PDE4C: variants seen among roughly 807,000 people sequenced by gnomAD.
PDE4C encodes phosphodiesterase 4C.
In PDE4C, 50 loss-of-function variants were observed where a neutral mutation model predicts 63.9. The observed-to-expected ratio is 0.78, with a 90% CI of 0.62 to 0.99. The LOEUF (loss-of-function observed/expected upper bound fraction) is 0.99. Among genes scored for constraint, PDE4C ranks in the 50% least tolerant of loss-of-function variants. The probability of loss-of-function intolerance (pLI) is 0.00; values close to 1 mark genes in which losing one functional copy is unlikely to be tolerated. For missense variants in PDE4C, 777 were observed against 899.1 expected (o/e 0.86, Z 1.74); for synonymous variants, 377 against 385.1 (o/e 0.98, Z 0.25).
chr19:18,210,974 G>T (rs147017099), exon 15 of PDE4C: 2 of 1,613,884 alleles, frequency 1.2e-6, no homozygotes, highest in South Asian at 2.2e-5. Context: ...GGTCTGGGCC[G>T]GCTTCAGGGG....
upstream of PDE4C, among the ~76,000 whole-genome samples, chr19:18,230,298 G>GAA (rs1968823286): frequency 1.3e-5 from 2 of 152,218 alleles, no homozygotes; most frequent in African/African-American, 2.4e-5. Flanking sequence ...TTGAGGTCAA[G>GAA]AGTTTGAGAC....
At chr19:18,219,027 G>A (rs1968341985) in exon 9 of PDE4C, 1 of 1,612,950 alleles carries the variant, frequency 6.2e-7, no homozygotes, top group Non-Finnish European at 8.5e-7. Context: ...ACTTGTTGGT[G>A]TCTTCTAGCT....
exon 13 of PDE4C, chr19:18,213,404 A>G: frequency 6.2e-7 from 1 of 1,613,932 alleles, no homozygotes; most frequent in Non-Finnish European, 8.5e-7. Context: ...GGAGGAGGAC[A>G]CCGAGGCTTG....
chr19:18,240,676 C>G (rs1022819804), intron 1 of PDE4C, among the ~76,000 whole-genome samples: 1 of 152,052 alleles, frequency 6.6e-6, no homozygotes, highest in East Asian at 1.9e-4. Flanking sequence ...TGCAGTGAGC[C>G]GAGATCATGC....
At chr19:18,226,952 A>G (rs930843983), upstream of PDE4C, among the ~76,000 whole-genome samples, 1 of 152,038 alleles carries the variant, frequency 6.6e-6, no homozygotes, top group African/African-American at 2.4e-5. Flanking sequence ...CAGAGCCTGG[A>G]TCTTACTCAG....
intron 1 of PDE4C, among the ~76,000 whole-genome samples, chr19:18,241,129 G>A (rs1450637458): frequency 2.0e-5 from 3 of 152,172 alleles, no homozygotes; most frequent in Non-Finnish European, 4.4e-5. Flanking sequence ...TGGTAGCTGG[G>A]AGGGTGTGTC....
At chr19:18,222,163 T>C (rs771527028) in exon 2 of PDE4C, 12 of 1,613,652 alleles carry the variant, frequency 7.4e-6, no homozygotes, top group South Asian at 5.5e-5. Flanking sequence ...TTCCGAGACA[T>C]GGCCTTGGGC....
At chr19:18,234,440 C>A (rs999488304), upstream of PDE4C, among the ~76,000 whole-genome samples, 3 of 152,188 alleles carry the variant, frequency 2.0e-5, no homozygotes, top group African/African-American at 7.2e-5. Flanking sequence ...GCGTCTTAGT[C>A]TCAGGGGTAA....
upstream of PDE4C, among the ~76,000 whole-genome samples, chr19:18,231,396 A>G (rs1432844386): frequency 6.6e-6 from 1 of 152,214 alleles, no homozygotes; most frequent in African/African-American, 2.4e-5. Context: ...TTTCTTGAAA[A>G]TGGAAAATCA....
Position 18,218,920 on chromosome 19 carries a change from GCCAAGGGCAGGGTAGGTA to G in PDE4C, c.969+2_969+19del, listed in dbSNP as rs1267071788. 1 of 1,574,308 alleles carries G rather than the reference GCCAAGGGCAGGGTAGGTA, an allele frequency of 6.4e-7. No homozygotes were observed. The highest frequency in any genetic ancestry group is 8.7e-7 in the Non-Finnish European group (1 of 1,143,476). On this transcript the variant is annotated splice_donor_variant and splice_donor_5th_base_variant and intron_variant, in intron 9 of 14. Coordinates refer to ENST00000262805, the Ensembl canonical transcript of PDE4C. LOFTEE classifies it high-confidence loss of function. ...AAACCCCAGGAGTTTTTCCTTGGAA[GCCAAGGGCAGGGTAGGTA>G]CCTGAAAAATGCTGAATATGATAGC...
At chr19:18,233,352 G>C in exon 1 of PDE4C, 1 of 977,764 alleles carries the variant, frequency 1.0e-6, no homozygotes, top group East Asian at 2.6e-5. Context: ...GGTGGAACTG[G>C]GGCTCAAGGT....
chr19:18,226,403 G>A, exon 1 of PDE4C: 3 of 1,445,034 alleles, frequency 2.1e-6, no homozygotes, highest in Non-Finnish European at 2.7e-6. Context: ...GCGGGCGCGG[G>A]GGGGCCCTGC....
At chr19:18,240,403 G>T (rs1229253221) in intron 1 of PDE4C, among the ~76,000 whole-genome samples, 1 of 131,126 alleles carries the variant, frequency 7.6e-6, no homozygotes, top group East Asian at 2.1e-4. Context: ...TCTTCAGCCC[G>T]GCTTACAGAG....
At chr19:18,241,709 C>T (rs557578146) in intron 1 of PDE4C, among the ~76,000 whole-genome samples, 1 of 151,976 alleles carries the variant, frequency 6.6e-6, no homozygotes, top group African/African-American at 2.4e-5. Context: ...ACCACAACTC[C>T]CAGCTAATTT....
At chr19:18,216,593 G>A (rs1968204465) in intron 12 of PDE4C, 148 bp downstream of exon 12, 4 of 757,834 alleles carry the variant, frequency 5.3e-6, no homozygotes, top group Non-Finnish European at 8.2e-6. Context: ...CCATTTCACA[G>A]ATGAGGAAGC....
upstream of PDE4C, among the ~76,000 whole-genome samples, chr19:18,238,441 T>C (rs781176586): frequency 5.9e-5 from 9 of 151,812 alleles, no homozygotes; most frequent in African/African-American, 9.7e-5. Context: ...TTTCACCACG[T>C]TGGCCAGGCT....
intron 1 of PDE4C, among the ~76,000 whole-genome samples, chr19:18,243,513 G>GA (rs398034154): frequency 1.3e-4 from 19 of 151,848 alleles, no homozygotes; most frequent in African/African-American, 4.6e-4. Flanking sequence ...AAAATTGGGG[G>GA]AAGCACCAGG....
exon 1 of PDE4C, chr19:18,226,344 G>A (rs779786441): frequency 2.0e-6 from 3 of 1,531,614 alleles, no homozygotes; most frequent in Non-Finnish European, 2.6e-6. Context: ...TGAAGAGCCC[G>A]GGGGAGCCGC....
upstream of PDE4C, among the ~76,000 whole-genome samples, chr19:18,229,448 C>G (rs2148049173): frequency 1.3e-5 from 2 of 151,904 alleles, no homozygotes; most frequent in East Asian, 3.9e-4. Context: ...ACCATGTTGG[C>G]CAGGCTGGTC....
Sources: gnomAD v4.1 joint callset for allele counts (sites outside exome capture counted in the v4.1 genomes callset) on GRCh38, gnomAD v4.1.1 for gene constraint, MANE v1.5 for transcripts, NCBI Gene and HGNC (gene_info 2026-07-23, HGNC 2026-07-21) for gene names.